Variants in ADAMTS10 observed in about 807,000 individuals in gnomAD.
ADAMTS10 encodes A disintegrin and metalloproteinase with thrombospondin motifs 10.
Under a neutral mutation model 135.9 loss-of-function variants are expected in ADAMTS10, and 48 were observed. That is an observed-to-expected ratio of 0.35 (90% confidence interval 0.28 to 0.45). ADAMTS10 has a LOEUF of 0.45. ADAMTS10 is among the 20% of genes least tolerant of loss of function. ADAMTS10 has a pLI of 1.00. For synonymous variants in ADAMTS10, 621 were observed against 647.5 expected (o/e 0.96, Z 0.62); for missense variants, 1,131 against 1,565.2 (o/e 0.72, Z 4.68).
In ADAMTS10 at chr19:8,592,955, C is replaced by T. The variant is rs572083971; in HGVS notation, c.1480-85G>A. 88 of 1,261,166 alleles carry T rather than the reference C, an allele frequency of 7.0e-5. No homozygotes were observed. The South Asian group carries it at 1.1e-3, about 16-fold the overall frequency. 78.1% of individuals were successfully genotyped at this position (1,261,166 alleles called of 1,614,324 possible). On this transcript the variant is annotated intron_variant, in intron 12 of 25. Coordinates refer to ENST00000597188, the MANE Select transcript of ADAMTS10 (RefSeq NM_030957.4). ...CCCGGCTTGGGAGGACCCAGATGTC[C>T]GGCTCACTGCCGGTCCCAGAGCAGA...
At chr19:8,604,241 T>C (rs556042636) in intron 4 of ADAMTS10, among the ~76,000 whole-genome samples, 358 of 151,054 alleles carry the variant, frequency 2.4e-3, no homozygotes, top group Non-Finnish European at 4.1e-3. Flanking sequence ...TAATTTATTT[T>C]TCATAGAGAT....
intron 25 of ADAMTS10, chr19:8,581,345 G>A (rs2042347678): frequency 5.8e-6 from 1 of 171,326 alleles, no homozygotes; most frequent in Non-Finnish European, 1.3e-5. Context: ...AGGCTGTTTT[G>A]AGGATTTAAG....
At chr19:8,588,112 G>A (rs1173735066) in intron 18 of ADAMTS10, among the ~76,000 whole-genome samples, 1 of 152,042 alleles carries the variant, frequency 6.6e-6, no homozygotes, top group Non-Finnish European at 1.5e-5. Context: ...AGCCGGGCAT[G>A]TAGTGCATGT....
chr19:8,593,033 G>A (rs1555739544), intron 12 of ADAMTS10, 163 bp from the exon 13 acceptor site: 3 of 685,954 alleles, frequency 4.4e-6, no homozygotes, highest in Admixed American at 4.2e-5. Flanking sequence ...ATCCCCTTGC[G>A]GGGCATGGCC....
intron 6 of ADAMTS10, among the ~76,000 whole-genome samples, chr19:8,598,903 T>C (rs1361951521): frequency 6.6e-6 from 1 of 151,704 alleles, no homozygotes; most frequent in African/African-American, 2.4e-5. Context: ...CTGAAAGCCC[T>C]AGGGAGAGAG....
At position 8,605,081 on chromosome 19, in the gene ADAMTS10, G is replaced by A. The variant is rs1361396121; in HGVS notation, c.366C>T (p.Cys122=). 2 of 1,612,572 alleles carry A rather than the reference G, an allele frequency of 1.2e-6. No homozygotes were observed. The highest frequency in any genetic ancestry group is 1.7e-6 in the Non-Finnish European group (2 of 1,179,638). The change falls in exon 4 of 26, where the codon TGC becomes TGT. Residue 122 remains cysteine (C), a synonymous_variant. Transcript: ENST00000597188. The surrounding 1 kb of genome is among the most constrained non-coding windows in gnomAD (Gnocchi z 7.7). ...LAWQRAARPH[C]LYAGHLQGQA... ...GGCCCTGCAGGTGACCAGCGTAGAG[G>A]CAGTGGGGCCGGGCCGCCCTCTGCC...
intron 6 of ADAMTS10, among the ~76,000 whole-genome samples, chr19:8,597,698 C>T (rs782427649): frequency 8.6e-5 from 13 of 152,044 alleles, no homozygotes; most frequent in East Asian, 1.9e-4. Flanking sequence ...TGCAGTGCTG[C>T]GGTGCAATCT....
chr19:8,584,587 G>A (rs1452756004), intron 25 of ADAMTS10, among the ~76,000 whole-genome samples: 5 of 152,290 alleles, frequency 3.3e-5, no homozygotes, highest in Admixed American at 2.6e-4. Context: ...TTGAAAAACC[G>A]ATTTAAAGGA....
rs1555742347 is a variant in ADAMTS10, at chr19:8,605,302, G to T, written c.145C>A (p.His49Asn). ...GAGAAGGCCAGCAGTGCCCCGTTGTGGTCCACGCGGGTGGGGAAGGCGATC... is the reference window on the plus strand; with the variant it reads ...GAGAAGGCCAGCAGTGCCCCGTTGTTGTCCACGCGGGTGGGGAAGGCGATC... ...YEIAFPTRVD[H>N]NGALLAFSPP... The change falls in exon 4 of 26, where the codon CAC (histidine) becomes AAC (asparagine). Residue 49 changes from histidine to asparagine, a missense_variant. By Grantham distance (68) the His-to-Asn change is moderately conservative. Around this residue, in one of 3 missense-constraint regions of ADAMTS10, gnomAD observed 306 missense variants for 344.4 expected, o/e 0.89. Transcript: ENST00000597188. The surrounding 1 kb of genome is among the most constrained non-coding windows in gnomAD (Gnocchi z 7.7). 9.3e-6 allele frequency: 15 copies of T among 1,611,538 alleles called. No individual in the cohort carries two copies. Among genetic ancestry groups the T allele is most frequent in the South Asian group, 8.8e-5 (8 of 90,636 alleles).
chr19:8,603,749 C>G lies in ADAMTS10; in HGVS notation c.571G>C (p.Asp191His), dbSNP rs1424741538. The change falls in exon 5 of 26, where the codon GAC becomes CAC. Residue 191 changes from aspartate (D) to histidine (H), a missense_variant. Physicochemically the swap from Asp to His is moderately conservative, Grantham distance 81. Around this residue, in one of 3 missense-constraint regions of ADAMTS10, gnomAD observed 306 missense variants for 344.4 expected, o/e 0.89. Coordinates refer to ENST00000597188, the MANE Select transcript of ADAMTS10 (RefSeq NM_030957.4). ...KRSSLRHPHL[D>H]TACGVRDEKP... ...GTACCTCTCACTCCACAGGCTGTGT[C>G]CAGGTGGGGGTGACGCAGAGAGGAA... is the stretch of plus-strand genomic sequence containing the variant. The G allele has an allele frequency of 2.5e-6, 4 of 1,614,038 alleles. No individual in the cohort carries two copies. Among genetic ancestry groups the G allele is most frequent in the Non-Finnish European group, 2.5e-6 (3 of 1,180,026 alleles).
chr19:8,596,218 A>AACAGGG lies in ADAMTS10; in HGVS notation c.1191_1192insCCCTGT (p.Thr397_Phe398insProCys). On this transcript the variant is annotated inframe_insertion and splice_region_variant, in exon 11 of 26. Transcript: ENST00000597188. The surrounding 1 kb of genome is among the most constrained non-coding windows in gnomAD (Gnocchi z 7.2). ...CCCACGCCGTCATGGTTCATGCCGA[A>AACAGGG]TCTGGGGAAAGGGGTGTCGGCTCTG... 1 of 1,613,904 alleles carries AACAGGG rather than the reference A, an allele frequency of 6.2e-7. No individual in the cohort carries two copies. Among genetic ancestry groups the AACAGGG allele is most frequent in the Non-Finnish European group, 8.5e-7 (1 of 1,180,010 alleles).
intron 12 of ADAMTS10, chr19:8,593,185 CCTGG>C: frequency 6.7e-6 from 3 of 446,566 alleles, no homozygotes; most frequent in Admixed American, 7.1e-5. Flanking sequence ...AAGGGAATAG[CCTGG>C]AGTTTAACCC....
intron 25 of ADAMTS10, 72 bp from the exon 26 acceptor site, chr19:8,581,074 G>T: frequency 1.0e-6 from 1 of 971,944 alleles, no homozygotes; most frequent in Non-Finnish European, 1.6e-6. Flanking sequence ...CACACGACCT[G>T]CAGTGCTTCC....
intron 22 of ADAMTS10, 104 bp downstream of exon 22, chr19:8,586,018 G>A: frequency 6.4e-7 from 1 of 1,572,376 alleles, no homozygotes; most frequent in Non-Finnish European, 8.7e-7. Context: ...CTGTCACTCC[G>A]ACTCTGCACT....
At chr19:8,592,437 CAG>C (rs1205797962) in intron 13 of ADAMTS10, among the ~76,000 whole-genome samples, 1 of 149,278 alleles carries the variant, frequency 6.7e-6, no homozygotes, top group African/African-American at 2.5e-5. Flanking sequence ...GAGGGCAGCA[CAG>C]GGGATGGGCG....
chr19:8,604,265 G>A (rs1260334136), intron 4 of ADAMTS10, among the ~76,000 whole-genome samples: 2 of 151,146 alleles, frequency 1.3e-5, no homozygotes, highest in Admixed American at 1.3e-4. Context: ...GTTCCACTAT[G>A]TTGCCCAGGC....
chr19:8,600,853 C>T, intron 6 of ADAMTS10, 75 bp downstream of exon 6: 2 of 1,570,992 alleles, frequency 1.3e-6, no homozygotes, highest in Non-Finnish European at 1.7e-6. Context: ...GGGATGGTAG[C>T]CACCCCCTTG....
chr19:8,586,603 C>T lies in ADAMTS10; in HGVS notation c.2358G>A (p.Gln786=), dbSNP rs376379249. Residue 786 remains glutamine (Q), a synonymous_variant, in exon 20 of 26, where the codon CAG becomes CAA. Coordinates refer to ENST00000597188, the MANE Select transcript of ADAMTS10 (RefSeq NM_030957.4). ...FQLRQGPDQV[Q]SLEALGPINA... ...TAATCGGTCCCAGGGCTTCGAGGCT[C>T]TGGACCTGGTCTGGCCCCTGTCGCA... 8.1e-6 allele frequency: 13 copies of T among 1,613,992 alleles called. No homozygotes were observed. The highest frequency in any genetic ancestry group is 1.1e-5 in the Non-Finnish European group (13 of 1,180,038).
At chr19:8,597,954 C>A (rs192478230) in intron 6 of ADAMTS10, among the ~76,000 whole-genome samples, 1 of 152,068 alleles carries the variant, frequency 6.6e-6, no homozygotes, top group Non-Finnish European at 1.5e-5. Flanking sequence ...CAGGCGTGAG[C>A]CACCGTGCCC....
Sources: gnomAD v4.1 joint callset for allele counts (sites outside exome capture counted in the v4.1 genomes callset) on GRCh38, gnomAD v4.1.1 for gene constraint, gnomAD v4.1.1 regional missense constraint, Gnocchi (gnomAD v3.1) non-coding constraint, MANE v1.5 for transcripts, NCBI Gene and HGNC (gene_info 2026-07-23, HGNC 2026-07-21) for gene names.